The following KCNK13 variants were observed in gnomAD, a reference collection of about 807,000 sequenced individuals.
KCNK13 encodes potassium two pore domain channel subfamily K member 13, also known as potassium channel subfamily K member 13.
KCNK13 carries 12 observed loss-of-function variants against 23.4 expected under a neutral mutation model. The observed-to-expected ratio is 0.51, with a 90% CI of 0.33 to 0.83. The LOEUF is 0.83. Ranked by LOEUF, KCNK13 falls within the 40% of genes least tolerant of loss-of-function variation. KCNK13 has a pLI of 0.02. For missense variants in KCNK13, 463 were observed against 556.3 expected, an observed-to-expected ratio of 0.83 and a Z score of 1.69; for synonymous variants, 231 against 229.5, an observed-to-expected ratio of 1.01 and a Z score of -0.06.
At chr14:90,064,260 G>T (rs1428715280) in intron 1 of KCNK13, among the ~76,000 whole-genome samples, 1 of 152,140 alleles carries the variant, frequency 6.6e-6, no homozygotes, top group Admixed American at 6.5e-5. Flanking sequence ...TAGATTGAAT[G>T]GTAACTTAGG....
At chr14:90,105,147 AGGTTGGGTCCATC>A (rs1889529488) in intron 1 of KCNK13, among the ~76,000 whole-genome samples, 1 of 152,050 alleles carries the variant, frequency 6.6e-6, no homozygotes, top group South Asian at 2.1e-4. Context: ...AAATAGGGTG[AGGTTGGGTCCATC>A]CATCCATCCA....
chr14:90,070,897 A>T (rs1334339388), intron 1 of KCNK13, among the ~76,000 whole-genome samples: 2 of 152,174 alleles, frequency 1.3e-5, no homozygotes, highest in Non-Finnish European at 2.9e-5. Flanking sequence ...TACCTCTTCC[A>T]GCTTCTAAAA....
chr14:90,071,662 G>A (rs774923201), intron 1 of KCNK13, among the ~76,000 whole-genome samples: 5 of 152,206 alleles, frequency 3.3e-5, no homozygotes, highest in Non-Finnish European at 7.3e-5. Context: ...GAATTGGGAG[G>A]CCAAGGTGGG....
At chr14:90,145,648 G>A (rs1301543464) in intron 1 of KCNK13, among the ~76,000 whole-genome samples, 1 of 151,868 alleles carries the variant, frequency 6.6e-6, no homozygotes, top group African/African-American at 2.4e-5. Context: ...GGATAGAATT[G>A]GTATTATTGA....
chr14:90,121,232 G>A (rs1596786955), intron 1 of KCNK13, among the ~76,000 whole-genome samples: 1 of 152,334 alleles, frequency 6.6e-6, no homozygotes, highest in Admixed American at 6.5e-5. Context: ...GCCCGTTTAT[G>A]TAAATATTGA....
chr14:90,080,137 G>A (rs1210785076), intron 1 of KCNK13, among the ~76,000 whole-genome samples: 1 of 152,018 alleles, frequency 6.6e-6, no homozygotes, highest in African/African-American at 2.4e-5. Flanking sequence ...GAGCCGTTGG[G>A]ACCTTGGAAT....
chr14:90,094,945 C>A (rs1457982808), intron 1 of KCNK13, among the ~76,000 whole-genome samples: 1 of 152,064 alleles, frequency 6.6e-6, no homozygotes, highest in Non-Finnish European at 1.5e-5. Flanking sequence ...CCATGCCCAG[C>A]CTATCAGGGA....
intron 1 of KCNK13, among the ~76,000 whole-genome samples, chr14:90,097,443 C>T (rs947695584): frequency 2.0e-5 from 3 of 152,086 alleles, no homozygotes; most frequent in Admixed American, 1.3e-4. Context: ...TCACTCAATG[C>T]CACAAGAATG....
chr14:90,126,792 C>T (rs1229595135), intron 1 of KCNK13, among the ~76,000 whole-genome samples: 2 of 152,146 alleles, frequency 1.3e-5, no homozygotes, highest in Admixed American at 1.3e-4. Flanking sequence ...ATCTGCCCAC[C>T]TTAGCCTCCC....
intron 1 of KCNK13, among the ~76,000 whole-genome samples, chr14:90,125,362 T>C (rs1889784266): frequency 6.6e-6 from 1 of 151,952 alleles, no homozygotes; most frequent in South Asian, 2.1e-4. Context: ...TAGCTGGGAC[T>C]ACAGGCGCCC....
intron 1 of KCNK13, among the ~76,000 whole-genome samples, chr14:90,154,242 T>C (rs1402851995): frequency 2.6e-5 from 4 of 151,454 alleles, no homozygotes; most frequent in African/African-American, 9.7e-5. Flanking sequence ...CTCCTACCCA[T>C]AATGCCTGCT....
intron 1 of KCNK13, among the ~76,000 whole-genome samples, chr14:90,127,092 A>G (rs1332080997): frequency 6.6e-6 from 1 of 152,178 alleles, no homozygotes; most frequent in African/African-American, 2.4e-5. Flanking sequence ...TTAATAATAT[A>G]TCAATGTTAA....
At chr14:90,139,693 G>A (rs961436264) in intron 1 of KCNK13, among the ~76,000 whole-genome samples, 5 of 152,206 alleles carry the variant, frequency 3.3e-5, no homozygotes, top group Non-Finnish European at 7.3e-5. Context: ...TGGGTGCGGT[G>A]TCTCATACCT....
intron 1 of KCNK13, among the ~76,000 whole-genome samples, chr14:90,112,176 C>T (rs990016801): frequency 1.2e-4 from 18 of 152,168 alleles, no homozygotes; most frequent in African/African-American, 4.3e-4. Context: ...ATTCCTGCAC[C>T]GTCCTGCGTA....
At chr14:90,144,208 AG>A (rs1212253409) in intron 1 of KCNK13, among the ~76,000 whole-genome samples, 1 of 152,168 alleles carries the variant, frequency 6.6e-6, no homozygotes, top group Non-Finnish European at 1.5e-5. Context: ...CTACTTATTT[AG>A]GTCTTTTTAA....
rs34881625 is a variant in KCNK13, at chr14:90,069,030, C to CTTT, written c.334+6513_334+6515dup. On this transcript the variant is annotated intron_variant, in intron 1 of 1. Transcript: ENST00000282146. ...TAGATTCTCAACAACAGTTTTTATT[C>CTTT]TTTTTTTTTTTTTTTTTTTTTTTTG... Among the ~76,000 whole-genome samples the CTTT allele has an allele frequency of 6.5e-3, 582 of 90,030 alleles. 4 individuals are homozygous for CTTT. The highest frequency in any genetic ancestry group is 0.012 in the African/African-American group (264 of 22,648). The allele number at this position is 90,030 out of a possible 152,430, so 59.1% of individuals were successfully genotyped here.
rs7157583 is a variant in KCNK13 at position 90,062,453 on chromosome 14, G to A, written c.248G>A (p.Arg83Gln). 0.023 allele frequency: 34,813 copies of A among 1,545,922 alleles called. 3,085 individuals are homozygous for A. The African/African-American group carries it at 0.27, about 12-fold the overall frequency. ...CTCCGCCACTACGAGGAGGCCACTCGGGCCGGCATCCGCGTGGACAACGTC... is the reference window on the plus strand; with the variant it reads ...CTCCGCCACTACGAGGAGGCCACTCAGGCCGGCATCCGCGTGGACAACGTC... ...GFLRHYEEAT[R>Q]AGIRVDNVRP... Residue 83 changes from arginine (R) to glutamine (Q), a missense_variant, in exon 1 of 2, where the codon CGG (arginine) becomes CAG (glutamine). Arg to Gln is a conservative substitution (Grantham distance 43). Around this residue, in one of 3 missense-constraint regions of KCNK13, gnomAD observed 153 missense variants for 153.6 expected, o/e 1.00. Coordinates refer to ENST00000282146, the MANE Select transcript of KCNK13 (RefSeq NM_022054.4). The surrounding 1 kb of genome is among the most constrained non-coding windows in gnomAD (Gnocchi z 4.5).
chr14:90,133,285 G>C (rs1889896061), intron 1 of KCNK13, among the ~76,000 whole-genome samples: 1 of 152,158 alleles, frequency 6.6e-6, no homozygotes, highest in Non-Finnish European at 1.5e-5. Flanking sequence ...AGTTGCAAAA[G>C]ACCATATACT....
chr14:90,062,440 G>T lies in KCNK13; in HGVS notation c.235G>T (p.Glu79Ter), dbSNP rs764016722. Reference protein sequence around the residue: ...DELRGFLRHYEEATRAGIRVD... With the variant: ...DELRGFLRHY The stretch of plus-strand genomic sequence containing the variant: ...GCTGCGCGGCTTCCTCCGCCACTAC[G>T]AGGAGGCCACTCGGGCCGGCATCCG... Residue 79 changes from glutamate (E) to a stop codon, truncating the protein, a stop_gained, in exon 1 of 2, where the codon GAG becomes TAG. Transcript: ENST00000282146. LOFTEE classifies it high-confidence loss of function. The surrounding 1 kb of genome is among the most constrained non-coding windows in gnomAD (Gnocchi z 4.5). The T allele has an allele frequency of 6.5e-7, 1 of 1,547,332 alleles. No individual in the cohort carries two copies.
Sources: allele counts gnomAD v4.1 joint callset (sites outside exome capture counted in the v4.1 genomes callset), GRCh38; gene constraint gnomAD v4.1.1; regional missense constraint gnomAD v4.1.1; non-coding constraint Gnocchi (gnomAD v3.1); transcripts MANE v1.5; gene names NCBI Gene and HGNC (gene_info 2026-07-23, HGNC 2026-07-21).